KAZN: variants seen among roughly 807,000 people sequenced by gnomAD.
KAZN encodes kazrin.
Under a neutral mutation model 87.4 loss-of-function variants are expected in KAZN, and 40 were observed. The observed-to-expected ratio is 0.46, with a 90% CI of 0.36 to 0.60. KAZN has a LOEUF of 0.60. Among genes scored for constraint, KAZN ranks in the 20% least tolerant of loss-of-function variants. The pLI is 0.00. For missense variants in KAZN, 898 were observed against 1,073.9 expected (o/e 0.84, Z 2.29); for synonymous variants, 466 against 458.3 (o/e 1.02, Z -0.22).
Position 14,148,742 on chromosome 1 carries a change from C to G in KAZN, c.92-31693C>G, listed in dbSNP as rs549138934. 2.6e-5 allele frequency among the ~76,000 whole-genome samples: 4 copies of G among 152,300 alleles called. No homozygotes were observed. The South Asian group carries it at 8.3e-4, about 32-fold the overall frequency. ...TGGGGAATTATGTACATGTGGATGG[C>G]AGGCTTTGCTTGATGGTGAACAGGT... is the stretch of plus-strand genomic sequence containing the variant. On this transcript the variant is annotated intron_variant, in intron 1 of 16. Coordinates refer to the KAZN transcript ENST00000636203.
intron 2 of KAZN, among the ~76,000 whole-genome samples, chr1:14,451,408 T>G (rs16850259): frequency 0.067 from 10,207 of 152,128 alleles, 678 homozygotes; most frequent in East Asian, 0.18. Context: ...AGGGCTTACT[T>G]TCTGTGGGAG....
intron 2 of KAZN, among the ~76,000 whole-genome samples, chr1:14,391,146 A>G (rs1662387092): frequency 6.6e-6 from 1 of 152,162 alleles, no homozygotes; most frequent in Non-Finnish European, 1.5e-5. Context: ...CCCAGGAATG[A>G]GGCCCCAGTG....
chr1:14,465,394 G>A (rs368100604), intron 2 of KAZN, among the ~76,000 whole-genome samples: 187 of 57,726 alleles, frequency 3.2e-3, no homozygotes, highest in African/African-American at 0.012. Flanking sequence ...GCGAGACTCT[G>A]TCTCAAAAAA....
At position 14,820,305 on chromosome 1, in the gene KAZN, C is replaced by A. The variant is rs141042462; in HGVS notation, c.227-140379C>A. On this transcript the variant is annotated intron_variant, in intron 1 of 14. Coordinates refer to ENST00000376030, the MANE Select transcript of KAZN (RefSeq NM_201628.3). This position sits in a 1 kb window ranked among gnomAD's most constrained non-coding sequence, Gnocchi z 4.1. ...CTGTTTCCCCGCAGAGGCTTCAGGG[C>A]TTTTGAGGGTTACTTAGCCAAGTCA... 4.2e-3 allele frequency among the ~76,000 whole-genome samples: 647 copies of A among 152,318 alleles called. 3 individuals carry two copies. Among genetic ancestry groups the A allele is most frequent in the African/African-American group, 0.015 (605 of 41,558 alleles).
At chr1:14,831,120 A>C (rs1647036996) in intron 1 of KAZN, among the ~76,000 whole-genome samples, 1 of 152,188 alleles carries the variant, frequency 6.6e-6, no homozygotes, top group Non-Finnish European at 1.5e-5. Context: ...TTGGCCTCCC[A>C]AAGTGCTGGG....
At chr1:14,539,860 T>C (rs1395284881) in intron 2 of KAZN, among the ~76,000 whole-genome samples, 1 of 152,210 alleles carries the variant, frequency 6.6e-6, no homozygotes, top group East Asian at 1.9e-4. Flanking sequence ...TTTAGCTTCA[T>C]TTTTCAAGGG....
chr1:15,097,184 T>C (rs1640841167), intron 10 of KAZN, among the ~76,000 whole-genome samples: 1 of 152,170 alleles, frequency 6.6e-6, no homozygotes, highest in South Asian at 2.1e-4. Context: ...TTTAAGAATC[T>C]AATAAGAGCT....
chr1:14,421,087 G>A (rs1665393296), intron 2 of KAZN, among the ~76,000 whole-genome samples: 3 of 152,356 alleles, frequency 2.0e-5, no homozygotes, highest in African/African-American at 4.8e-5. Flanking sequence ...CCTCTCTCAG[G>A]AATTGGTCTT....
At chr1:14,169,512 G>T (rs1402640132) in intron 1 of KAZN, among the ~76,000 whole-genome samples, 6 of 152,116 alleles carry the variant, frequency 3.9e-5, no homozygotes, top group Non-Finnish European at 7.4e-5. Flanking sequence ...GAGTGAAGAG[G>T]GTGCTGTCCT....
chr1:14,348,425 C>T (rs967786506), intron 2 of KAZN, among the ~76,000 whole-genome samples: 8 of 152,092 alleles, frequency 5.3e-5, no homozygotes, highest in African/African-American at 1.9e-4. Context: ...TAGTTAAGAC[C>T]ATAGGGATTT....
At chr1:14,077,332 C>A (rs1284238981) in intron 1 of KAZN, among the ~76,000 whole-genome samples, 4 of 152,144 alleles carry the variant, frequency 2.6e-5, no homozygotes, top group Non-Finnish European at 5.9e-5. Flanking sequence ...AGGGCTGTCC[C>A]CATGGTAAGT....
intron 1 of KAZN, among the ~76,000 whole-genome samples, chr1:14,933,431 A>C (rs1660080017): frequency 2.0e-5 from 3 of 151,888 alleles, no homozygotes; most frequent in Admixed American, 2.0e-4. Context: ...TTCCTGCCCC[A>C]CCGCTGATGG....
intron 2 of KAZN, among the ~76,000 whole-genome samples, chr1:14,465,085 A>C (rs934071729): frequency 6.6e-6 from 1 of 152,092 alleles, no homozygotes; most frequent in East Asian, 1.9e-4. Flanking sequence ...CTGGCAAATG[A>C]GCTGGCACGG....
At chr1:14,019,500 A>G (rs1313672104) in intron 1 of KAZN, among the ~76,000 whole-genome samples, 1 of 152,136 alleles carries the variant, frequency 6.6e-6, no homozygotes, top group Non-Finnish European at 1.5e-5. Context: ...AGAAGCTTCT[A>G]TATATACATC....
chr1:14,778,390 T>G (rs1428147854), intron 1 of KAZN, among the ~76,000 whole-genome samples: 2 of 77,606 alleles, frequency 2.6e-5, no homozygotes. Flanking sequence ...GTTTAACCCT[T>G]AAGAAAAAAA....
intron 1 of KAZN, among the ~76,000 whole-genome samples, chr1:14,105,040 G>A (rs755354107): frequency 2.6e-5 from 4 of 152,098 alleles, no homozygotes; most frequent in Non-Finnish European, 4.4e-5. Flanking sequence ...TCTCATAAGC[G>A]CTGGAACTCT....
chr1:14,389,348 C>G (rs1264856961), intron 2 of KAZN, among the ~76,000 whole-genome samples: 1 of 152,138 alleles, frequency 6.6e-6, no homozygotes, highest in African/African-American at 2.4e-5. Context: ...AATCCCACTC[C>G]TAGGTATATA....
rs571663771 is a variant in KAZN at position 14,384,220 on chromosome 1, G to C, written c.249+203628G>C. On this transcript the variant is annotated intron_variant, in intron 2 of 16. Coordinates refer to the KAZN transcript ENST00000636203. ...TCAGCTTAAGGAGATTTTGGGCTGA[G>C]ACAATGGGGTTTTCTAGATATACAA... 1.9e-3 allele frequency among the ~76,000 whole-genome samples: 291 copies of C among 151,728 alleles called. 2 individuals carry two copies. The highest frequency in any genetic ancestry group is 6.5e-3 in the African/African-American group (270 of 41,278).
intron 2 of KAZN, among the ~76,000 whole-genome samples, chr1:14,387,378 G>A (rs1217604950): frequency 6.6e-6 from 1 of 152,222 alleles, no homozygotes; most frequent in Non-Finnish European, 1.5e-5. Flanking sequence ...CTTTGGAGGA[G>A]GAGAGGTGCT....
Sources: gnomAD v4.1 joint callset for allele counts (sites outside exome capture counted in the v4.1 genomes callset) on GRCh38, gnomAD v4.1.1 for gene constraint, Gnocchi (gnomAD v3.1) non-coding constraint, MANE v1.5 for transcripts, NCBI Gene and HGNC (gene_info 2026-07-23, HGNC 2026-07-21) for gene names.